Variants in GRM7 observed in about 807,000 individuals in gnomAD.
GRM7 encodes metabotropic glutamate receptor 7.
In GRM7, 35 loss-of-function variants were observed where a neutral mutation model predicts 84.5. The ratio of observed to expected loss-of-function variants is 0.41; its 90% CI spans 0.32 to 0.55. The LOEUF (loss-of-function observed/expected upper bound fraction) is 0.55, where lower values mean the gene tolerates loss of function less well. GRM7 is among the 20% of genes least tolerant of loss of function. GRM7 has a pLI of 0.19. For synonymous variants in GRM7, 487 were observed against 455.1 expected, an observed-to-expected ratio of 1.07 and a Z score of -0.89; for missense variants, 1,003 against 1,194.6, an observed-to-expected ratio of 0.84 and a Z score of 2.36.
Position 7,367,504 on chromosome 3 carries a change from G to T in GRM7, c.1034-47519G>T, listed in dbSNP as rs1269271310. Among the ~76,000 whole-genome samples, 4 of 151,750 alleles carry T rather than the reference G, an allele frequency of 2.6e-5. No homozygotes were observed. In the East Asian group the frequency reaches 7.7e-4, roughly 29 times the overall value. ...ACAAGATACTAGAAAGGACATGTTT[G>T]GATATTTGGTAAAATATGAATATTA... On this transcript the variant is annotated intron_variant, in intron 4 of 9. Transcript: ENST00000357716.
intron 2 of GRM7, among the ~76,000 whole-genome samples, chr3:7,261,902 C>CTTCCTCCCTTCCT (rs139471610): frequency 9.7e-5 from 8 of 82,848 alleles, no homozygotes; most frequent in Admixed American, 4.3e-4. Flanking sequence ...CCCTCCCTCC[C>CTTCCTCCCTTCCT]TCCCTCCCTC....
intron 1 of GRM7, among the ~76,000 whole-genome samples, chr3:7,121,628 T>C (rs561316987): frequency 6.6e-6 from 1 of 152,154 alleles, no homozygotes; most frequent in Admixed American, 6.5e-5. Flanking sequence ...AATTGAAAGA[T>C]TAACTCATTC....
At chr3:7,618,993 A>G (rs1398943042) in intron 8 of GRM7, among the ~76,000 whole-genome samples, 2 of 152,150 alleles carry the variant, frequency 1.3e-5, no homozygotes, top group African/African-American at 4.8e-5. Flanking sequence ...AAATAGTTCT[A>G]TCTTTCTGTG....
intron 1 of GRM7, among the ~76,000 whole-genome samples, chr3:7,130,181 G>C (rs1693543954): frequency 6.6e-6 from 1 of 152,116 alleles, no homozygotes; most frequent in Non-Finnish European, 1.5e-5. Context: ...ATAACCTTGA[G>C]TCTAAAGGCT....
At chr3:7,046,380 T>A (rs374042638) in intron 1 of GRM7, among the ~76,000 whole-genome samples, 1 of 152,124 alleles carries the variant, frequency 6.6e-6, no homozygotes, top group East Asian at 1.9e-4. Context: ...ACATATGATG[T>A]TTATGGCTTC....
At position 7,613,704 on chromosome 3, in the gene GRM7, T is replaced by G. The variant is rs112630432; in HGVS notation, c.2451+34347T>G. Among the ~76,000 whole-genome samples the G allele has an allele frequency of 2.6e-3, 391 of 152,272 alleles. 1 individual carries two copies. The highest frequency in any genetic ancestry group is 7.2e-3 in the African/African-American group (300 of 41,560). On this transcript the variant is annotated intron_variant, in intron 8 of 9. Transcript: ENST00000357716. ...GCCTTAATTTCCTCTCTAAGGCCCC[T>G]TCCAGATGATCATCTTATGATAGCC...
chr3:7,139,846 GT>G (rs1693891152), intron 1 of GRM7, among the ~76,000 whole-genome samples: 1 of 151,898 alleles, frequency 6.6e-6, no homozygotes, highest in Admixed American at 6.6e-5. Context: ...AAAAGTTTCT[GT>G]ATAGCAAAGA....
chr3:7,399,772 C>T (rs1695369971), intron 4 of GRM7, among the ~76,000 whole-genome samples: 1 of 152,154 alleles, frequency 6.6e-6, no homozygotes, highest in South Asian at 2.1e-4. Flanking sequence ...TCCTCCCCAC[C>T]ACTTGTAATC....
intron 1 of GRM7, among the ~76,000 whole-genome samples, chr3:6,921,371 G>A (rs1017155874): frequency 1.3e-5 from 2 of 152,172 alleles, no homozygotes; most frequent in African/African-American, 2.4e-5. Flanking sequence ...ACCATCTAAT[G>A]CCGGGCTGGT....
intron 8 of GRM7, among the ~76,000 whole-genome samples, chr3:7,671,560 G>C (rs1275994647): frequency 6.6e-6 from 1 of 150,556 alleles, no homozygotes; most frequent in Admixed American, 6.7e-5. Context: ...TGTTAAATGA[G>C]AAAAACAAAA....
At chr3:7,551,757 G>T (rs2125026461) in intron 7 of GRM7, among the ~76,000 whole-genome samples, 1 of 152,180 alleles carries the variant, frequency 6.6e-6, no homozygotes, top group East Asian at 1.9e-4. Flanking sequence ...AAGTATAAAT[G>T]TGAATGATAT....
intron 8 of GRM7, among the ~76,000 whole-genome samples, chr3:7,666,384 T>C (rs1699702950): frequency 6.6e-6 from 1 of 152,132 alleles, no homozygotes; most frequent in South Asian, 2.1e-4. Context: ...ATTCAAAACA[T>C]AGCCAGGCCA....
chr3:7,608,049 C>CAAAAGACATG (rs1696675678), intron 8 of GRM7: 1 of 358,662 alleles, frequency 2.8e-6, no homozygotes, highest in Non-Finnish European at 5.8e-6. Context: ...TATGTTCCTG[C>CAAAAGACATG]AAAAGACATG....
intron 1 of GRM7, among the ~76,000 whole-genome samples, chr3:6,884,653 G>A (rs758052637): frequency 5.3e-5 from 8 of 151,756 alleles, no homozygotes; most frequent in South Asian, 4.2e-4. Context: ...AGGCTGGAGC[G>A]CAGTATCATG....
chr3:7,244,592 T>C (rs1356360548), intron 2 of GRM7, among the ~76,000 whole-genome samples: 2 of 152,062 alleles, frequency 1.3e-5, no homozygotes, highest in Non-Finnish European at 2.9e-5. Context: ...AGTAACATCA[T>C]GCCTTAGAAC....
intron 9 of GRM7, among the ~76,000 whole-genome samples, chr3:7,701,004 G>A (rs1701205519): frequency 6.6e-6 from 1 of 152,136 alleles, no homozygotes; most frequent in South Asian, 2.1e-4. Context: ...AATCCTATGA[G>A]GGCAGTGAAA....
chr3:7,194,952 G>A (rs1695832358), intron 2 of GRM7, among the ~76,000 whole-genome samples: 2 of 152,040 alleles, frequency 1.3e-5, no homozygotes, highest in African/African-American at 4.8e-5. Flanking sequence ...AGGACCTGAG[G>A]GAAGAGGGAA....
At chr3:7,224,532 G>A (rs1278232709) in intron 2 of GRM7, among the ~76,000 whole-genome samples, 1 of 152,174 alleles carries the variant, frequency 6.6e-6, no homozygotes, top group Non-Finnish European at 1.5e-5. Flanking sequence ...CATGGCCCTT[G>A]TAGATGCCAC....
intron 4 of GRM7, among the ~76,000 whole-genome samples, chr3:7,370,135 G>A (rs949486770): frequency 5.3e-5 from 8 of 152,126 alleles, no homozygotes; most frequent in African/African-American, 1.9e-4. Context: ...TTTTCAATTA[G>A]CTTTCTCAGA....
Sources: allele counts gnomAD v4.1 joint callset (sites outside exome capture counted in the v4.1 genomes callset), GRCh38; gene constraint gnomAD v4.1.1; transcripts MANE v1.5; gene names NCBI Gene and HGNC (gene_info 2026-07-23, HGNC 2026-07-21).